PTCHD4: variants seen among roughly 807,000 people sequenced by gnomAD.
PTCHD4 encodes patched domain-containing protein 4.
A neutral mutation model predicts 58.1 loss-of-function variants in PTCHD4; 33 were observed. That is an observed-to-expected ratio of 0.57 (90% CI 0.43 to 0.76). The LOEUF (loss-of-function observed/expected upper bound fraction) is 0.76. Among genes scored for constraint, PTCHD4 ranks in the 30% least tolerant of loss-of-function variants. PTCHD4 has a pLI of 0.00. For synonymous variants in PTCHD4, 478 were observed against 409.6 expected, an observed-to-expected ratio of 1.17 and a Z score of -2.02; for missense variants, 1,058 against 1,027.1, an observed-to-expected ratio of 1.03 and a Z score of -0.41.
intron 1 of PTCHD4, among the ~76,000 whole-genome samples, chr6:48,106,219 C>A (rs191291656): frequency 6.6e-6 from 1 of 151,996 alleles, no homozygotes; most frequent in Non-Finnish European, 1.5e-5. Flanking sequence ...ACTGGCAAAC[C>A]GCATCCAGCA....
At chr6:47,978,233 T>C (rs1389565083) in intron 4 of PTCHD4, among the ~76,000 whole-genome samples, 3 of 152,146 alleles carry the variant, frequency 2.0e-5, no homozygotes, top group Admixed American at 6.6e-5. Context: ...TTTAGTGTCC[T>C]TCTGATTCTT....
chr6:47,900,437 C>T (rs934675429), intron 4 of PTCHD4: 33 of 152,114 alleles, frequency 2.2e-4, no homozygotes, highest in African/African-American at 6.5e-4. Context: ...AATGTCTATT[C>T]GAATCTTCTG....
At chr6:48,072,851 G>T (rs564981072) in intron 1 of PTCHD4, among the ~76,000 whole-genome samples, 1 of 152,014 alleles carries the variant, frequency 6.6e-6, no homozygotes, top group African/African-American at 2.4e-5. Context: ...AAAAGTCTGG[G>T]TCTATCAGTG....
intron 1 of PTCHD4, among the ~76,000 whole-genome samples, chr6:48,090,120 T>C (rs1037920163): frequency 6.6e-6 from 1 of 152,234 alleles, no homozygotes; most frequent in African/African-American, 2.4e-5. Flanking sequence ...TACAGTGTTA[T>C]ACAAATTTAT....
intron 4 of PTCHD4, among the ~76,000 whole-genome samples, chr6:47,887,213 A>T (rs1041870340): frequency 1.3e-5 from 2 of 149,410 alleles, no homozygotes; most frequent in African/African-American, 4.9e-5. Flanking sequence ...AAATATATTA[A>T]TTTATATTTA....
chr6:48,053,702 A>C (rs1443520988), intron 3 of PTCHD4, among the ~76,000 whole-genome samples: 2 of 152,126 alleles, frequency 1.3e-5, no homozygotes, highest in Admixed American at 6.6e-5. Context: ...ATATTTTCCC[A>C]ATGATAAGCA....
intron 1 of PTCHD4, among the ~76,000 whole-genome samples, chr6:48,072,656 T>C (rs1052652654): frequency 2.0e-5 from 3 of 152,192 alleles, no homozygotes; most frequent in African/African-American, 7.2e-5. Flanking sequence ...TGACATTACA[T>C]GGATGTATAC....
chr6:48,108,077 T>A (rs1765777424), intron 1 of PTCHD4, among the ~76,000 whole-genome samples: 1 of 152,174 alleles, frequency 6.6e-6, no homozygotes, highest in African/African-American at 2.4e-5. Flanking sequence ...GAAATACGAT[T>A]TGACCCAGCC....
chr6:48,066,548 C>A lies in PTCHD4; in HGVS notation c.417+1682G>T, dbSNP rs554105422. 2.0e-5 allele frequency among the ~76,000 whole-genome samples: 3 copies of A among 152,248 alleles called. No homozygotes were observed. In the South Asian group the frequency reaches 6.2e-4, roughly 32 times the overall value. ...AAAGAGTATAGGTTAGGAAGATTAC[C>A]TCTCCACCACATCCTTTTCTTTAGC... On this transcript the variant is annotated intron_variant, in intron 3 of 4. Transcript: ENST00000339488.
intron 4 of PTCHD4, among the ~76,000 whole-genome samples, chr6:47,908,650 G>A (rs951582699): frequency 6.6e-6 from 1 of 152,102 alleles, no homozygotes; most frequent in African/African-American, 2.4e-5. Context: ...TCTCAGTAAC[G>A]CATCTTATCG....
intron 4 of PTCHD4, among the ~76,000 whole-genome samples, chr6:47,897,449 T>A (rs1764559900): frequency 6.6e-6 from 1 of 152,204 alleles, no homozygotes; most frequent in Admixed American, 6.5e-5. Context: ...GTCACCCGTC[T>A]CTTAACATTG....
chr6:48,045,204 C>G (rs1053020546), intron 3 of PTCHD4, among the ~76,000 whole-genome samples: 1 of 151,790 alleles, frequency 6.6e-6, no homozygotes, highest in African/African-American at 2.4e-5. Context: ...CAACTGCATG[C>G]TGTACTTCTA....
At chr6:48,002,275 G>T (rs1448521757) in intron 4 of PTCHD4, among the ~76,000 whole-genome samples, 1 of 152,162 alleles carries the variant, frequency 6.6e-6, no homozygotes, top group Admixed American at 6.5e-5. Context: ...ATACCCAAAG[G>T]AGTATAAATC....
chr6:47,943,466 T>G (rs1203220693), intron 4 of PTCHD4, among the ~76,000 whole-genome samples: 1 of 152,134 alleles, frequency 6.6e-6, no homozygotes, highest in East Asian at 1.9e-4. Flanking sequence ...AGGAAAAATT[T>G]ACACGTGCTG....
intron 3 of PTCHD4, among the ~76,000 whole-genome samples, chr6:48,049,497 G>A (rs1327174347): frequency 6.6e-6 from 1 of 151,886 alleles, no homozygotes; most frequent in African/African-American, 2.4e-5. Context: ...TACTACCCAA[G>A]TGAGCATGCT....
rs1190529118 is a variant in PTCHD4 at position 47,858,971 on chromosome 6, A to G, written c.*19332T>C. Reference sequence around the variant, plus strand: ...ATTTAATTACAAGCATCTGTTTTTGAGACTAATCAATGAATCATTAATGTG... The same window carrying G: ...ATTTAATTACAAGCATCTGTTTTTGGGACTAATCAATGAATCATTAATGTG... On this transcript the variant is annotated 3_prime_UTR_variant, in exon 5 of 5. Coordinates refer to ENST00000339488, the MANE Select transcript of PTCHD4 (RefSeq NM_001384253.1). 1.3e-5 allele frequency among the ~76,000 whole-genome samples: 2 copies of G among 152,048 alleles called. No homozygotes were observed. The highest frequency in any genetic ancestry group is 2.9e-5 in the Non-Finnish European group (2 of 67,960).
Position 47,863,154 on chromosome 6 carries a change from T to G in PTCHD4, c.*15149A>C, listed in dbSNP as rs564673803. Reference sequence around the variant, plus strand: ...TTTTGTGTTGTATCTGAGACTTATGTGGTCCCACATGCAGGGGCAGATCAA... The same window carrying G: ...TTTTGTGTTGTATCTGAGACTTATGGGGTCCCACATGCAGGGGCAGATCAA... On this transcript the variant is annotated 3_prime_UTR_variant, in exon 5 of 5. Coordinates refer to ENST00000339488, the MANE Select transcript of PTCHD4 (RefSeq NM_001384253.1). 1.3e-5 allele frequency among the ~76,000 whole-genome samples: 2 copies of G among 152,060 alleles called. No individual in the cohort carries two copies. Among genetic ancestry groups the G allele is most frequent in the East Asian group, 3.9e-4 (2 of 5,140 alleles).
chr6:48,066,576 G>A (rs1764805412), intron 3 of PTCHD4, among the ~76,000 whole-genome samples: 2 of 152,216 alleles, frequency 1.3e-5, no homozygotes, highest in Middle Eastern at 3.2e-3. Context: ...TCTTTAGCAA[G>A]CAATAATGTT....
intron 4 of PTCHD4, among the ~76,000 whole-genome samples, chr6:48,000,488 G>A (rs971003561): frequency 2.6e-5 from 4 of 152,086 alleles, no homozygotes; most frequent in Non-Finnish European, 5.9e-5. Flanking sequence ...AGCTTCAAGT[G>A]GGCGTTTAGA....
Sources: allele counts gnomAD v4.1 joint callset (sites outside exome capture counted in the v4.1 genomes callset), GRCh38; gene constraint gnomAD v4.1.1; transcripts MANE v1.5; gene names NCBI Gene and HGNC (gene_info 2026-07-23, HGNC 2026-07-21).